The following WWOX variants were observed in gnomAD, a reference collection of about 807,000 sequenced individuals.
The protein encoded by WWOX is WW domain containing oxidoreductase.
A neutral mutation model predicts 46.2 loss-of-function variants in WWOX; 69 were observed. The observed-to-expected ratio is 1.49, with a 90% CI of 1.23 to 1.82. The LOEUF (loss-of-function observed/expected upper bound fraction) is 1.82, where lower values mean the gene tolerates loss of function less well. Among genes scored for constraint, WWOX ranks in the 40% most tolerant of loss-of-function variants. WWOX has a pLI of 0.00. For synonymous variants in WWOX, 359 were observed against 202.6 expected (o/e 1.77, Z -6.56); for missense variants, 919 against 542.6 (o/e 1.69, Z -6.89).
chr16:78,706,401 G>T (rs1282223783), intron 8 of WWOX, among the ~76,000 whole-genome samples: 1 of 151,914 alleles, frequency 6.6e-6, no homozygotes, highest in Non-Finnish European at 1.5e-5. Context: ...TCTCTCTGGG[G>T]GCATCCTGAG....
At chr16:78,753,975 C>T (rs2049568089) in intron 8 of WWOX, among the ~76,000 whole-genome samples, 1 of 149,782 alleles carries the variant, frequency 6.7e-6, no homozygotes, top group Admixed American at 6.7e-5. Context: ...CCAATTTATC[C>T]ATCTCAAGAA....
At chr16:78,199,724 C>A (rs943483866) in intron 5 of WWOX, among the ~76,000 whole-genome samples, 2 of 152,140 alleles carry the variant, frequency 1.3e-5, no homozygotes, top group Non-Finnish European at 2.9e-5. Flanking sequence ...TGACATCCTA[C>A]CCCCTTCCCA....
chr16:78,351,532 G>C (rs906410953), intron 5 of WWOX, among the ~76,000 whole-genome samples: 3 of 152,166 alleles, frequency 2.0e-5, no homozygotes, highest in Admixed American at 6.5e-5. Flanking sequence ...CAGGAAGCAG[G>C]CTGCCTCTGT....
At chr16:78,690,662 C>T (rs1394950289) in intron 8 of WWOX, among the ~76,000 whole-genome samples, 11 of 101,480 alleles carry the variant, frequency 1.1e-4, no homozygotes, top group Admixed American at 9.6e-4. Flanking sequence ...GAAGGATACT[C>T]CCAACCTGGT....
At chr16:79,026,793 T>C (rs568904976) in intron 8 of WWOX, among the ~76,000 whole-genome samples, 5 of 148,490 alleles carry the variant, frequency 3.4e-5, no homozygotes, top group Admixed American at 1.3e-4. Flanking sequence ...AATTTTTTTT[T>C]TTTTTTTTGG....
chr16:78,538,617 A>G (rs1245968278), intron 8 of WWOX, among the ~76,000 whole-genome samples: 1 of 152,204 alleles, frequency 6.6e-6, no homozygotes, highest in Non-Finnish European at 1.5e-5. Flanking sequence ...GTTTATCATT[A>G]TATGCCTCCA....
At chr16:78,336,964 A>C (rs1303404817) in intron 5 of WWOX, among the ~76,000 whole-genome samples, 2 of 151,926 alleles carry the variant, frequency 1.3e-5, no homozygotes, top group South Asian at 2.1e-4. Flanking sequence ...ATTTTTTAGT[A>C]CAGACGGGGT....
At chr16:78,738,116 A>G (rs1259426507) in intron 8 of WWOX, among the ~76,000 whole-genome samples, 2 of 152,162 alleles carry the variant, frequency 1.3e-5, no homozygotes, top group African/African-American at 4.8e-5. Flanking sequence ...GTCTTCCTGA[A>G]AAACAGTTCA....
chr16:78,934,818 G>C (rs903128163), intron 8 of WWOX, among the ~76,000 whole-genome samples: 1 of 152,160 alleles, frequency 6.6e-6, no homozygotes, highest in African/African-American at 2.4e-5. Flanking sequence ...AGAAGAAGCA[G>C]ACTGGGCATG....
chr16:78,768,707 A>G (rs1363419260), intron 8 of WWOX, among the ~76,000 whole-genome samples: 2 of 152,074 alleles, frequency 1.3e-5, no homozygotes, highest in Non-Finnish European at 2.9e-5. Context: ...TGTCACTCTA[A>G]TTGCCCAGCG....
intron 8 of WWOX, among the ~76,000 whole-genome samples, chr16:78,666,521 AG>A (rs1284531545): frequency 2.0e-5 from 3 of 152,224 alleles, no homozygotes; most frequent in African/African-American, 7.2e-5. Context: ...TGCCTAGGTC[AG>A]CAAATTTTAT....
At chr16:78,973,342 G>A (rs2046509061) in intron 8 of WWOX, among the ~76,000 whole-genome samples, 1 of 152,162 alleles carries the variant, frequency 6.6e-6, no homozygotes, top group Admixed American at 6.5e-5. Flanking sequence ...GTAGACTGGG[G>A]AAGGTGATAA....
chr16:78,599,086 G>A (rs1340149841), intron 8 of WWOX, among the ~76,000 whole-genome samples: 1 of 152,136 alleles, frequency 6.6e-6, no homozygotes, highest in Non-Finnish European at 1.5e-5. Flanking sequence ...GAAGGTGTCC[G>A]ATCAGAACCT....
chr16:78,326,215 G>A (rs1397485458), intron 5 of WWOX, among the ~76,000 whole-genome samples: 1 of 152,204 alleles, frequency 6.6e-6, no homozygotes, highest in East Asian at 1.9e-4. Flanking sequence ...GGGGGAACCT[G>A]AATTATGGGG....
chr16:78,123,433 T>G (rs1235746127), intron 4 of WWOX: 1 of 104,308 alleles, frequency 9.6e-6, no homozygotes, highest in East Asian at 3.0e-4. Context: ...TCTTTGTTTT[T>G]TGTTTTGTTT....
At chr16:78,429,547 G>C (rs1473227737) in intron 7 of WWOX, among the ~76,000 whole-genome samples, 1 of 152,126 alleles carries the variant, frequency 6.6e-6, no homozygotes, top group Non-Finnish European at 1.5e-5. Context: ...GATGAGTAGA[G>C]AGAGGGAGGG....
intron 4 of WWOX, among the ~76,000 whole-genome samples, chr16:78,160,670 T>G: frequency 6.6e-6 from 1 of 152,238 alleles, no homozygotes; most frequent in East Asian, 1.9e-4. Flanking sequence ...CTTTCTAATT[T>G]TAATCTTTTG....
intron 8 of WWOX, among the ~76,000 whole-genome samples, chr16:78,476,354 G>T (rs1176605457): frequency 1.3e-5 from 2 of 150,824 alleles, no homozygotes; most frequent in Admixed American, 1.3e-4. Flanking sequence ...ACTGTTGCAA[G>T]GACAAAAAAC....
At chr16:78,099,908 GCGGACGCACCTGGGACCCTGCACAGCCCA>G (rs890409875) in intron 1 of WWOX, 23 bp downstream of exon 1, 8 of 1,551,308 alleles carry the variant, frequency 5.2e-6, no homozygotes, top group East Asian at 4.9e-5. Context: ...CAGTGGGGCC[GCGGACGCACCTGGGACCCTGCACAGCCCA>G]CGGACGCCAC....
Sources: allele counts gnomAD v4.1 joint callset (sites outside exome capture counted in the v4.1 genomes callset), GRCh38; gene constraint gnomAD v4.1.1; transcripts MANE v1.5; gene names NCBI Gene and HGNC (gene_info 2026-07-23, HGNC 2026-07-21).